The following DPP10 variants were observed in gnomAD, a reference collection of about 807,000 sequenced individuals.
DPP10 encodes dipeptidyl peptidase like 10.
In DPP10, 33 loss-of-function variants were observed where a neutral mutation model predicts 120.9. That is an observed-to-expected ratio of 0.27 (90% CI 0.21 to 0.37). The LOEUF is 0.37. DPP10 is among the 10% of genes least tolerant of loss of function. The pLI is 1.00. For synonymous variants in DPP10, 337 were observed against 326.1 expected, an observed-to-expected ratio of 1.03 and a Z score of -0.36; for missense variants, 816 against 942.8, an observed-to-expected ratio of 0.87 and a Z score of 1.76.
intron 1 of DPP10, among the ~76,000 whole-genome samples, chr2:114,697,290 G>T (rs1700122227): frequency 6.6e-6 from 1 of 152,074 alleles, no homozygotes; most frequent in Admixed American, 6.6e-5. Flanking sequence ...GAACTGTGTG[G>T]TGTTGAGCCA....
At chr2:114,722,290 G>A (rs1052904731) in intron 1 of DPP10, among the ~76,000 whole-genome samples, 35 of 152,264 alleles carry the variant, frequency 2.3e-4, no homozygotes, top group Admixed American at 1.2e-3. Context: ...TGTCAAGAAT[G>A]ATGATTAAAA....
chr2:114,600,781 G>A (rs913281308), intron 1 of DPP10, among the ~76,000 whole-genome samples: 1 of 151,898 alleles, frequency 6.6e-6, no homozygotes, highest in African/African-American at 2.4e-5. Flanking sequence ...ACATGATCAT[G>A]AAAAGCAATG....
At chr2:115,505,995 A>AATAAATTTT (rs140371126) in intron 4 of DPP10, among the ~76,000 whole-genome samples, 32,013 of 151,684 alleles carry the variant, frequency 0.21, 3,859 homozygotes, top group East Asian at 0.39. Flanking sequence ...TATTAATACA[A>AATAAATTTT]ATAAAATAAT....
chr2:114,836,906 G>T (rs1687784445), intron 1 of DPP10, among the ~76,000 whole-genome samples: 1 of 152,200 alleles, frequency 6.6e-6, no homozygotes, highest in African/African-American at 2.4e-5. Context: ...GCTTTTGAAA[G>T]AAGAGAAATA....
At chr2:114,831,315 A>G (rs559975942) in intron 1 of DPP10, among the ~76,000 whole-genome samples, 1 of 152,240 alleles carries the variant, frequency 6.6e-6, no homozygotes, top group African/African-American at 2.4e-5. Flanking sequence ...TATTTGTAAT[A>G]TATTTCTGGA....
At chr2:114,983,603 C>A (rs946380026) in intron 1 of DPP10, among the ~76,000 whole-genome samples, 14 of 152,088 alleles carry the variant, frequency 9.2e-5, no homozygotes, top group Admixed American at 2.0e-4. Context: ...TGGTTAAAGG[C>A]TTTCATGAGT....
intron 1 of DPP10, among the ~76,000 whole-genome samples, chr2:114,566,955 TG>T (rs1389601435): frequency 3.3e-5 from 5 of 152,202 alleles, no homozygotes; most frequent in Admixed American, 3.3e-4. Flanking sequence ...AAAAATTATG[TG>T]ACTGATTTCC....
chr2:114,449,492 C>G (rs1678131913), intron 1 of DPP10, among the ~76,000 whole-genome samples: 1 of 149,908 alleles, frequency 6.7e-6, no homozygotes, highest in Non-Finnish European at 1.5e-5. Context: ...TTTATAGTTA[C>G]CACTGGGAAG....
chr2:114,847,787 C>T (rs570992750), intron 1 of DPP10, among the ~76,000 whole-genome samples: 9 of 152,182 alleles, frequency 5.9e-5, no homozygotes, highest in Middle Eastern at 3.4e-3. Flanking sequence ...GCATTAGTTT[C>T]AATCATTAAA....
intron 1 of DPP10, among the ~76,000 whole-genome samples, chr2:115,301,877 A>G (rs1304503287): frequency 1.3e-5 from 2 of 152,056 alleles, no homozygotes; most frequent in Non-Finnish European, 2.9e-5. Flanking sequence ...TATTAAGGAT[A>G]GCTGTCATAC....
intron 2 of DPP10, among the ~76,000 whole-genome samples, chr2:115,320,303 A>G (rs1385779826): frequency 6.6e-6 from 1 of 152,132 alleles, no homozygotes; most frequent in Non-Finnish European, 1.5e-5. Context: ...CCATTCTGCC[A>G]TTTTCAGCCT....
At chr2:114,879,756 G>T (rs1691455443) in intron 1 of DPP10, among the ~76,000 whole-genome samples, 1 of 152,060 alleles carries the variant, frequency 6.6e-6, no homozygotes, top group Non-Finnish European at 1.5e-5. Flanking sequence ...AAACTCAACA[G>T]GACTTCTAAG....
intron 3 of DPP10, among the ~76,000 whole-genome samples, chr2:115,350,973 AAAG>A (rs1344797955): frequency 6.6e-6 from 1 of 152,120 alleles, no homozygotes; most frequent in African/African-American, 2.4e-5. Context: ...AAGATTTCTC[AAAG>A]AACTTACAGC....
At chr2:115,809,152 A>C (rs1686352947) in intron 19 of DPP10, among the ~76,000 whole-genome samples, 1 of 152,196 alleles carries the variant, frequency 6.6e-6, no homozygotes, top group Non-Finnish European at 1.5e-5. Flanking sequence ...AAATTCATTC[A>C]GCCATTCTTC....
At chr2:115,234,244 A>G (rs1391392532) in intron 1 of DPP10, among the ~76,000 whole-genome samples, 3 of 152,160 alleles carry the variant, frequency 2.0e-5, no homozygotes, top group African/African-American at 7.2e-5. Flanking sequence ...AAATAATAAT[A>G]GTAAACTCAG....
rs72943791 is a variant in DPP10 at position 114,957,944 on chromosome 2, G to A, written c.61-351295G>A. 5.5e-3 allele frequency among the ~76,000 whole-genome samples: 844 copies of A among 152,226 alleles called. 8 individuals are homozygous for A. The highest frequency in any genetic ancestry group is 0.018 in the African/African-American group (765 of 41,542). ...GAGAGAATGGTGGTTACCAAAGACC[G>A]GAGAAGGATTGGGAAAGGGGAGATG... is the stretch of plus-strand genomic sequence containing the variant. On this transcript the variant is annotated intron_variant, in intron 1 of 25. Transcript: ENST00000410059.
chr2:115,629,705 A>G (rs1351203402), intron 5 of DPP10, among the ~76,000 whole-genome samples: 3 of 152,140 alleles, frequency 2.0e-5, no homozygotes, highest in Non-Finnish European at 4.4e-5. Context: ...TGAAGATCAA[A>G]TGGTTGTAGA....
chr2:115,321,420 C>A (rs1311000625), intron 2 of DPP10, among the ~76,000 whole-genome samples: 2 of 151,818 alleles, frequency 1.3e-5, no homozygotes, highest in East Asian at 3.9e-4. Flanking sequence ...TTATATATAT[C>A]AAGAGGGTTT....
chr2:115,528,081 C>G (rs1039116542), intron 5 of DPP10, among the ~76,000 whole-genome samples: 1 of 151,730 alleles, frequency 6.6e-6, no homozygotes, highest in Non-Finnish European at 1.5e-5. Context: ...GGGTATATAC[C>G]CAGTAATGGG....
Sources: gnomAD v4.1 joint callset for allele counts (sites outside exome capture counted in the v4.1 genomes callset) on GRCh38, gnomAD v4.1.1 for gene constraint, MANE v1.5 for transcripts, NCBI Gene and HGNC (gene_info 2026-07-23, HGNC 2026-07-21) for gene names.